Variants in LRP1 observed in about 807,000 individuals in gnomAD.
LRP1 encodes the protein prolow-density lipoprotein receptor-related protein 1.
Under a neutral mutation model 541.5 loss-of-function variants are expected in LRP1, and 51 were observed. That is an observed-to-expected ratio of 0.09 (90% confidence interval 0.08 to 0.12). The LOEUF is 0.12. Among genes scored for constraint, LRP1 ranks in the 10% least tolerant of loss-of-function variants. The probability of loss-of-function intolerance (pLI) is 1.00; values close to 1 mark genes in which losing one functional copy is unlikely to be tolerated. For missense variants in LRP1, 3,878 were observed against 6,376.2 expected, an observed-to-expected ratio of 0.61 and a Z score of 13.34; for synonymous variants, 2,219 against 2,470.8, an observed-to-expected ratio of 0.90 and a Z score of 3.02.
Position 57,154,731 on chromosome 12 carries a change from G to C in LRP1, c.1227+30G>C, listed in dbSNP as rs1167553766. The C allele has an allele frequency of 5.8e-6, 9 of 1,543,562 alleles. No individual in the cohort carries two copies. In the East Asian group the frequency reaches 1.2e-4, roughly 21 times the overall value. Reference sequence around the variant, plus strand: ...GGGAGCTACTGTCTGAGGTTTTGTGGGGGAACCATGATCCAGGGCCTTCTG... The same window carrying C: ...GGGAGCTACTGTCTGAGGTTTTGTGCGGGAACCATGATCCAGGGCCTTCTG... On this transcript the variant is annotated intron_variant, in intron 8 of 88. Coordinates refer to ENST00000243077, the MANE Select transcript of LRP1 (RefSeq NM_002332.3). The surrounding 1 kb of genome is among the most constrained non-coding windows in gnomAD (Gnocchi z 4.6).
rs1200885408 is a variant in LRP1, at chr12:57,173,358, G to A, written c.3346+8G>A. The A allele has an allele frequency of 6.2e-7, 1 of 1,611,574 alleles. No homozygotes were observed. Among genetic ancestry groups the A allele is most frequent in the Non-Finnish European group, 8.5e-7 (1 of 1,178,194 alleles). ...TTGGCTGCAAGGACTCAGGTGAAGA[G>A]GATGGTTGGAGGGCGTCTGGAACAG... On this transcript the variant is annotated splice_region_variant and intron_variant, in intron 21 of 88. Coordinates refer to ENST00000243077, the MANE Select transcript of LRP1 (RefSeq NM_002332.3). This position sits in a 1 kb window ranked among gnomAD's most constrained non-coding sequence, Gnocchi z 4.7.
In LRP1 at chr12:57,210,788, C is replaced by T; in HGVS notation, c.12825C>T (p.Tyr4275=). 1.2e-6 allele frequency: 2 copies of T among 1,613,580 alleles called. No homozygotes were observed. ...PKCTQQVCAG[Y]CANNSTCTVN... ...GCACCCAGCAGGTGTGTGCGGGCTACTGTGCCAACAACAGCACCTGCACTG... is the reference window on the plus strand; with the variant it reads ...GCACCCAGCAGGTGTGTGCGGGCTATTGTGCCAACAACAGCACCTGCACTG... Residue 4275 remains tyrosine (Y), a synonymous_variant, in exon 83 of 89, where the codon TAC becomes TAT. Coordinates refer to ENST00000243077, the MANE Select transcript of LRP1 (RefSeq NM_002332.3).
Position 57,185,942 on chromosome 12 carries a change from G to C in LRP1, c.6841+34G>C. 1.9e-6 allele frequency: 3 copies of C among 1,592,970 alleles called. No individual in the cohort carries two copies. Among genetic ancestry groups the C allele is most frequent in the Non-Finnish European group, 2.6e-6 (3 of 1,168,254 alleles). On this transcript the variant is annotated intron_variant, in intron 41 of 88. Transcript: ENST00000243077. The surrounding 1 kb of genome is among the most constrained non-coding windows in gnomAD (Gnocchi z 4.9). ...AGACCCTAAGTCTTCCCAGGAAGTGGGACATGGGGCGGGGAGCAGCACAGA... is the reference window on the plus strand; with the variant it reads ...AGACCCTAAGTCTTCCCAGGAAGTGCGACATGGGGCGGGGAGCAGCACAGA...
Position 57,178,298 on chromosome 12 carries a change from G to T in LRP1, c.4362-61G>T, listed in dbSNP as rs1203008882. The T allele has an allele frequency of 1.1e-5, 18 of 1,569,838 alleles. No homozygotes were observed. The East Asian group carries it at 4.1e-4, about 35-fold the overall frequency. The stretch of plus-strand genomic sequence containing the variant: ...CAGGGCCCAGAGGGTGGGCACCTGG[G>T]CAGAGCTCTGAGGGCTGAGATCCCA... On this transcript the variant is annotated intron_variant, in intron 26 of 88. Coordinates refer to ENST00000243077, the MANE Select transcript of LRP1 (RefSeq NM_002332.3). The surrounding 1 kb of genome is among the most constrained non-coding windows in gnomAD (Gnocchi z 5.8).
rs540009385 is a variant in LRP1 at position 57,154,610 on chromosome 12, G to A, written c.1136G>A (p.Arg379His). The change falls in exon 8 of 89, where the codon CGC becomes CAC. Residue 379 changes from arginine (R) to histidine (H), a missense_variant. By Grantham distance (29) the Arg-to-His change is conservative. Coordinates refer to ENST00000243077, the MANE Select transcript of LRP1 (RefSeq NM_002332.3). The surrounding 1 kb of genome is among the most constrained non-coding windows in gnomAD (Gnocchi z 4.6). Reference protein sequence around the residue: ...PHGITLDLVSRLVYWADAYLD... With the variant: ...PHGITLDLVSHLVYWADAYLD... ...GGCATCACGCTGGACCTGGTCAGCCGCCTTGTCTACTGGGCAGATGCCTAT... is the reference window on the plus strand; with the variant it reads ...GGCATCACGCTGGACCTGGTCAGCCACCTTGTCTACTGGGCAGATGCCTAT... The A allele has an allele frequency of 1.4e-5, 22 of 1,610,336 alleles. No homozygotes were observed. The highest frequency in any genetic ancestry group is 1.6e-4 in the Middle Eastern group (1 of 6,062).
At chr12:57,192,056 C>T (rs965917306) in intron 44 of LRP1, among the ~76,000 whole-genome samples, 7 of 146,990 alleles carry the variant, frequency 4.8e-5, no homozygotes, top group African/African-American at 1.5e-4. Flanking sequence ...ACACACCACA[C>T]AGCACACACA....
rs2035221485 is a variant in LRP1, at chr12:57,138,572, C to T, written c.181C>T (p.Pro61Ser). 1.2e-6 allele frequency: 2 copies of T among 1,613,898 alleles called. No individual in the cohort carries two copies. Among genetic ancestry groups the T allele is most frequent in the Non-Finnish European group, 1.7e-6 (2 of 1,179,892 alleles). ...CTGCCCAGACGGATCTGACGAGGCC[C>T]CTGAGATTTGTAAGTACCTTTTCTG... is the stretch of plus-strand genomic sequence containing the variant. The part of the protein sequence containing the change: ...RDCPDGSDEA[P>S]EICPQSKAQR... The change falls in exon 2 of 89, where the codon CCT becomes TCT. Residue 61 changes from proline to serine, a missense_variant. Around this residue, in one of 13 missense-constraint regions of LRP1, gnomAD observed 293 missense variants for 403.7 expected, o/e 0.73. Coordinates refer to ENST00000243077, the MANE Select transcript of LRP1 (RefSeq NM_002332.3).
Position 57,199,196 on chromosome 12 carries a change from C to T in LRP1, c.9677-16C>T, listed in dbSNP as rs1386273404. The T allele has an allele frequency of 6.2e-7, 1 of 1,610,426 alleles. No homozygotes were observed. The highest frequency in any genetic ancestry group is 8.5e-7 in the Non-Finnish European group (1 of 1,178,500). On this transcript the variant is annotated splice_polypyrimidine_tract_variant and intron_variant, in intron 60 of 88. Transcript: ENST00000243077. ...CTCCGGCTGACTGGCACTGTGCCTG[C>T]CCCTTGGCCCTGCAGTGCTGAGCCA...
chr12:57,209,277 C>A, intron 79 of LRP1, 78 bp downstream of exon 79: 1 of 1,111,920 alleles, frequency 9.0e-7, no homozygotes, highest in Non-Finnish European at 1.4e-6. Context: ...AAAGGCCTCA[C>A]TTCAATGCCT....
In LRP1 at chr12:57,193,258, C is replaced by T. The variant is rs150031790; in HGVS notation, c.7638C>T (p.Gly2546=). ...ECINFSLTCD[G]VPHCKDKSDE... is the part of the protein sequence containing the mutation. ...TCAACTTCAGCCTGACCTGCGACGG[C>T]GTCCCCCACTGCAAGGACAAGTCCG... is the stretch of plus-strand genomic sequence containing the variant. Residue 2546 remains glycine, a synonymous_variant, in exon 46 of 89, where the codon GGC becomes GGT. Transcript: ENST00000243077. 16 of 1,613,868 alleles carry T rather than the reference C, an allele frequency of 9.9e-6. No homozygotes were observed. In the African/African-American group the frequency reaches 1.2e-4, roughly 12 times the overall value.
chr12:57,211,044 G>C lies in LRP1; in HGVS notation c.12917-132G>C. 1 of 1,375,388 alleles carries C rather than the reference G, an allele frequency of 7.3e-7. No homozygotes were observed. The highest frequency in any genetic ancestry group is 2.0e-5 in the Admixed American group (1 of 50,406). 85.2% of individuals were successfully genotyped at this position (1,375,388 alleles called of 1,614,324 possible). ...AAGCTGCTGGCGCTTCCCCACAAAG[G>C]TGCTGGCACACTTCCCCTGAGGCAG... On this transcript the variant is annotated intron_variant, in intron 83 of 88. Transcript: ENST00000243077. The surrounding 1 kb of genome is among the most constrained non-coding windows in gnomAD (Gnocchi z 4.3).
In LRP1 at chr12:57,210,157, C is replaced by G; in HGVS notation, c.12568C>G (p.Pro4190Ala). The change falls in exon 81 of 89, where the codon CCC becomes GCC. Residue 4190 changes from proline (P) to alanine (A), a missense_variant. Transcript: ENST00000243077. ...GTCVPVPSPT[P>A]PPDAPRPGTC... ...ATGCGTGCCTGTGCCCTCTCCAACGCCCCCCCCAGATGGTATGCTTATGCC... is the reference window on the plus strand; with the variant it reads ...ATGCGTGCCTGTGCCCTCTCCAACGGCCCCCCCAGATGGTATGCTTATGCC... 6.3e-7 allele frequency: 1 copy of G among 1,595,550 alleles called. No homozygotes were observed. The highest frequency in any genetic ancestry group is 8.5e-7 in the Non-Finnish European group (1 of 1,170,874).
At chr12:57,144,892 G>A in intron 4 of LRP1, 80 bp from the exon 5 acceptor site, 1 of 1,410,022 alleles carries the variant, frequency 7.1e-7, no homozygotes, top group Non-Finnish European at 1.0e-6. Flanking sequence ...GGATGGACAT[G>A]TTGATCATGT....
rs1830652069 is a variant in LRP1, at chr12:57,149,293, C to A, written c.841+3803C>A. On this transcript the variant is annotated intron_variant, in intron 6 of 88. Coordinates refer to ENST00000243077, the MANE Select transcript of LRP1 (RefSeq NM_002332.3). ...TCTTTGGCCTTAGGCCCCCTGCATC[C>A]TGGCACTTTTGCTTCCCATTCCTGT... The A allele has an allele frequency of 7.0e-5, 31 of 440,402 alleles. 1 individual carries two copies. In the South Asian group the frequency reaches 1.8e-3, roughly 26 times the overall value. The allele number at this position is 440,402 out of a possible 1,614,324, so 27.3% of individuals were successfully genotyped here. A position where few individuals can be genotyped will look rare whatever the true frequency, so the allele number is the denominator to read the frequency against.
At position 57,194,766 on chromosome 12, in the gene LRP1, A is replaced by G. The variant is rs546706054; in HGVS notation, c.8191+67A>G. Reference sequence around the variant, plus strand: ...TGGGCCCCACTTCTTAGTCCCCCCCAGCAAATGCCCCCTTGGAAAAGGGCA... The same window carrying G: ...TGGGCCCCACTTCTTAGTCCCCCCCGGCAAATGCCCCCTTGGAAAAGGGCA... On this transcript the variant is annotated intron_variant, in intron 50 of 88. Coordinates refer to ENST00000243077, the MANE Select transcript of LRP1 (RefSeq NM_002332.3). 16 of 1,503,174 alleles carry G rather than the reference A, an allele frequency of 1.1e-5. No individual in the cohort carries two copies. In the East Asian group the frequency reaches 3.0e-4, roughly 28 times the overall value. The allele number at this position is 1,503,174 out of a possible 1,614,324, so 93.1% of individuals were successfully genotyped here.
chr12:57,153,734 G>A (rs1201742683), intron 6 of LRP1, among the ~76,000 whole-genome samples: 5 of 152,190 alleles, frequency 3.3e-5, no homozygotes, highest in East Asian at 1.9e-4. Context: ...GTTTATTAGC[G>A]TGTACCCTGC....
chr12:57,154,802 G>C lies in LRP1; in HGVS notation c.1227+101G>C, dbSNP rs2136674861. 9.0e-7 allele frequency: 1 copy of C among 1,109,978 alleles called. No individual in the cohort carries two copies. The highest frequency in any genetic ancestry group is 1.3e-6 in the Non-Finnish European group (1 of 753,062). The allele number at this position is 1,109,978 out of a possible 1,614,324, so 68.8% of individuals were successfully genotyped here. ...AGGGGAACCGTTCTCTGAGTCTCCT[G>C]GTAAAGAGCGTGGATGCCCCAGGCC... On this transcript the variant is annotated intron_variant, in intron 8 of 88. Coordinates refer to ENST00000243077, the MANE Select transcript of LRP1 (RefSeq NM_002332.3). This position sits in a 1 kb window ranked among gnomAD's most constrained non-coding sequence, Gnocchi z 4.6.
Position 57,202,543 on chromosome 12 carries a change from T to TCCCCCCCCCCCCCCCCCCCC in LRP1, c.10711+10_10711+11insCCCCCCCCCCCCCCCCCCCC. On this transcript the variant is annotated splice_region_variant and intron_variant, in intron 68 of 88. Transcript: ENST00000243077. Reference sequence around the variant, plus strand: ...CTCCGATGAAGAGAGCTGCAGTACGTCCCCACCCACCCAGCCCCGCATGAG... The same window carrying TCCCCCCCCCCCCCCCCCCCC: ...CTCCGATGAAGAGAGCTGCAGTACGTCCCCCCCCCCCCCCCCCCCCCCCCACCCACCCAGCCCCGCATGAG... 3.3e-6 allele frequency: 5 copies of TCCCCCCCCCCCCCCCCCCCC among 1,523,576 alleles called. No homozygotes were observed. In the South Asian group the frequency reaches 3.6e-5, roughly 11 times the overall value. 94.4% of individuals were successfully genotyped at this position (1,523,576 alleles called of 1,614,324 possible).
chr12:57,161,182 A>C, intron 13 of LRP1, 67 bp downstream of exon 13: 2 of 1,496,600 alleles, frequency 1.3e-6, no homozygotes, highest in South Asian at 2.4e-5. Context: ...GGCGTGGATG[A>C]GGTTCTGTGT....
Sources: allele counts gnomAD v4.1 joint callset (sites outside exome capture counted in the v4.1 genomes callset), GRCh38; gene constraint gnomAD v4.1.1; regional missense constraint gnomAD v4.1.1; non-coding constraint Gnocchi (gnomAD v3.1); transcripts MANE v1.5; gene names NCBI Gene and HGNC (gene_info 2026-07-23, HGNC 2026-07-21).